UBE2E2: variants seen among roughly 807,000 people sequenced by gnomAD.
The protein encoded by UBE2E2 is ubiquitin conjugating enzyme E2 E2.
A neutral mutation model predicts 24.7 loss-of-function variants in UBE2E2; 6 were observed. The observed-to-expected ratio is 0.24, with a 90% confidence interval of 0.13 to 0.48. The LOEUF is 0.48. Ranked by LOEUF, UBE2E2 falls within the 20% of genes least tolerant of loss-of-function variation. UBE2E2 has a pLI of 0.99. For synonymous variants in UBE2E2, 104 were observed against 83.6 expected, an observed-to-expected ratio of 1.24 and a Z score of -1.33; for missense variants, 169 against 245.0, an observed-to-expected ratio of 0.69 and a Z score of 2.07.
chr3:23,221,902 G>A (rs1287662547), intron 3 of UBE2E2, among the ~76,000 whole-genome samples: 3 of 152,232 alleles, frequency 2.0e-5, no homozygotes, highest in East Asian at 3.9e-4. Flanking sequence ...ATTTTTAATT[G>A]AGGTAAAATA....
chr3:23,482,523 A>G (rs767466012), intron 3 of UBE2E2, among the ~76,000 whole-genome samples: 2 of 152,008 alleles, frequency 1.3e-5, no homozygotes, highest in African/African-American at 2.4e-5. Flanking sequence ...AACCTATGTC[A>G]TGCTGCCCAC....
intron 3 of UBE2E2, among the ~76,000 whole-genome samples, chr3:23,413,147 G>A (rs180693944): frequency 2.6e-5 from 4 of 151,504 alleles, no homozygotes; most frequent in African/African-American, 9.7e-5. Flanking sequence ...GTATACATAT[G>A]TAACAAGCCT....
chr3:23,416,333 A>G (rs111729075), intron 3 of UBE2E2, among the ~76,000 whole-genome samples: 142 of 152,328 alleles, frequency 9.3e-4, no homozygotes, highest in African/African-American at 3.2e-3. Context: ...TGGATGTGAA[A>G]TTCTGGGTTG....
intron 5 of UBE2E2, among the ~76,000 whole-genome samples, chr3:23,548,325 G>T (rs1695569267): frequency 6.6e-6 from 1 of 152,064 alleles, no homozygotes; most frequent in African/African-American, 2.4e-5. Flanking sequence ...TCAGCCCAGG[G>T]ACTCTGTTGC....
chr3:23,227,598 C>T (rs1696861689), intron 3 of UBE2E2, among the ~76,000 whole-genome samples: 1 of 152,120 alleles, frequency 6.6e-6, no homozygotes, highest in South Asian at 2.1e-4. Context: ...ATTTTTAATT[C>T]AATCCTGTGA....
intron 4 of UBE2E2, among the ~76,000 whole-genome samples, chr3:23,523,286 A>C (rs1575683962): frequency 6.6e-6 from 1 of 152,344 alleles, no homozygotes; most frequent in East Asian, 1.9e-4. Context: ...TGAGAATTGA[A>C]TAAGATGCTC....
intron 5 of UBE2E2, among the ~76,000 whole-genome samples, chr3:23,575,276 G>C (rs574077276): frequency 6.6e-6 from 1 of 152,236 alleles, no homozygotes; most frequent in South Asian, 2.1e-4. Flanking sequence ...GTAAGTCCAA[G>C]TGATGATGTT....
chr3:23,339,519 T>C (rs2125308618), intron 3 of UBE2E2, among the ~76,000 whole-genome samples: 1 of 152,260 alleles, frequency 6.6e-6, no homozygotes. Flanking sequence ...TGTGTAATGC[T>C]TTGTAAAGTC....
At chr3:23,454,759 A>C (rs763175045) in intron 3 of UBE2E2, among the ~76,000 whole-genome samples, 3 of 152,186 alleles carry the variant, frequency 2.0e-5, no homozygotes, top group Admixed American at 2.0e-4. Context: ...ATGCCATACT[A>C]TTTTTTGATA....
chr3:23,568,652 T>C lies in UBE2E2; in HGVS notation c.509-21082T>C, dbSNP rs140947596. Reference sequence around the variant, plus strand: ...ATATGTATACATATATACGCACATATATGTATACATATATACGCACATATA... The same window carrying C: ...ATATGTATACATATATACGCACATACATGTATACATATATACGCACATATA... On this transcript the variant is annotated intron_variant, in intron 5 of 5. Coordinates refer to ENST00000396703, the MANE Select transcript of UBE2E2 (RefSeq NM_152653.4). 6.3e-3 allele frequency among the ~76,000 whole-genome samples: 680 copies of C among 108,788 alleles called. 13 individuals are homozygous for C. Among genetic ancestry groups the C allele is most frequent in the Non-Finnish European group, 6.8e-3 (369 of 53,950 alleles). The allele number at this position is 108,788 out of a possible 152,430, so 71.4% of individuals were successfully genotyped here. A position where few individuals can be genotyped will look rare whatever the true frequency, so the allele number is the denominator to read the frequency against.
At chr3:23,396,417 C>T (rs1697079543) in intron 3 of UBE2E2, among the ~76,000 whole-genome samples, 1 of 149,554 alleles carries the variant, frequency 6.7e-6, no homozygotes, top group African/African-American at 2.4e-5. Flanking sequence ...TATACGTGTA[C>T]ATACACTGTA....
intron 5 of UBE2E2, among the ~76,000 whole-genome samples, chr3:23,535,471 T>A (rs1284223396): frequency 6.6e-6 from 1 of 152,110 alleles, no homozygotes; most frequent in African/African-American, 2.4e-5. Context: ...ATCACTCAGG[T>A]GGCAGATGTC....
intron 4 of UBE2E2, among the ~76,000 whole-genome samples, chr3:23,520,368 T>A (rs1351384108): frequency 2.0e-5 from 3 of 152,242 alleles, no homozygotes; most frequent in Admixed American, 1.3e-4. Flanking sequence ...TTGGTAGCTA[T>A]TTTAATTATT....
chr3:23,360,927 T>C (rs1471602353), intron 3 of UBE2E2, among the ~76,000 whole-genome samples: 1 of 145,978 alleles, frequency 6.9e-6, no homozygotes, highest in Non-Finnish European at 1.5e-5. Context: ...ATTCACAAAC[T>C]ATGCATTTGA....
At chr3:23,556,247 C>A (rs1385248578) in intron 5 of UBE2E2, among the ~76,000 whole-genome samples, 2 of 144,806 alleles carry the variant, frequency 1.4e-5, no homozygotes, top group Non-Finnish European at 3.0e-5. Context: ...CAGGTTCAAG[C>A]GATTCTTCTG....
chr3:23,239,780 T>C (rs138333896), intron 3 of UBE2E2, among the ~76,000 whole-genome samples: 2 of 152,288 alleles, frequency 1.3e-5, no homozygotes, highest in East Asian at 1.9e-4. Context: ...CTAAAAGATA[T>C]GCTGTTTTTC....
chr3:23,360,298 A>G (rs1375426387), intron 3 of UBE2E2, among the ~76,000 whole-genome samples: 1 of 152,166 alleles, frequency 6.6e-6, no homozygotes, highest in Non-Finnish European at 1.5e-5. Context: ...TAAAAAAGTC[A>G]GTGTTAAAAA....
intron 3 of UBE2E2, among the ~76,000 whole-genome samples, chr3:23,481,275 A>G (rs1699253896): frequency 6.6e-6 from 1 of 152,226 alleles, no homozygotes; most frequent in Admixed American, 6.5e-5. Flanking sequence ...ATGCTACTCT[A>G]TCCCGTCCAC....
intron 5 of UBE2E2, among the ~76,000 whole-genome samples, chr3:23,586,916 T>G (rs1383003192): frequency 6.6e-6 from 1 of 152,148 alleles, no homozygotes; most frequent in Non-Finnish European, 1.5e-5. Flanking sequence ...CCTTTTTTTT[T>G]TTTTACATCA....
Sources: gnomAD v4.1 joint callset for allele counts (sites outside exome capture counted in the v4.1 genomes callset) on GRCh38, gnomAD v4.1.1 for gene constraint, MANE v1.5 for transcripts, NCBI Gene and HGNC (gene_info 2026-07-23, HGNC 2026-07-21) for gene names.